Variants in PDE11A observed in about 807,000 individuals in gnomAD.
The protein encoded by PDE11A is dual 3',5'-cyclic-AMP and -GMP phosphodiesterase 11A.
PDE11A carries 100 observed loss-of-function variants against 100.5 expected under a neutral mutation model. The observed-to-expected ratio is 1.00, with a 90% confidence interval of 0.85 to 1.18. The LOEUF is 1.18. Ranked by LOEUF, PDE11A falls within the 50% of genes most tolerant of loss-of-function variation. The probability of loss-of-function intolerance (pLI) is 0.00; values close to 1 mark genes in which losing one functional copy is unlikely to be tolerated. For synonymous variants in PDE11A, 381 were observed against 420.8 expected, an observed-to-expected ratio of 0.91 and a Z score of 1.16; for missense variants, 1,141 against 1,152.6, an observed-to-expected ratio of 0.99 and a Z score of 0.15.
At chr2:177,748,680 C>G (rs2081986831) in intron 10 of PDE11A, among the ~76,000 whole-genome samples, 1 of 151,882 alleles carries the variant, frequency 6.6e-6, no homozygotes, top group African/African-American at 2.4e-5. Context: ...TAAATGATTA[C>G]AATAACATTT....
At chr2:177,786,758 C>T (rs2082543596) in intron 9 of PDE11A, among the ~76,000 whole-genome samples, 2 of 151,978 alleles carry the variant, frequency 1.3e-5, no homozygotes, top group East Asian at 1.9e-4. Flanking sequence ...CCTCAGGAGC[C>T]GATGCGATCA....
At chr2:177,759,279 T>G (rs986993790) in intron 10 of PDE11A, among the ~76,000 whole-genome samples, 3 of 152,158 alleles carry the variant, frequency 2.0e-5, no homozygotes, top group Non-Finnish European at 4.4e-5. Flanking sequence ...AAATTTACCT[T>G]GAGAGTTTTA....
At chr2:177,820,815 A>G (rs1044916036) in intron 6 of PDE11A, among the ~76,000 whole-genome samples, 63 of 150,918 alleles carry the variant, frequency 4.2e-4, no homozygotes, top group African/African-American at 1.5e-3. Context: ...AAAAGGTAAG[A>G]TAGAGGTAGA....
At chr2:178,068,700 G>GCACAAAA (rs879392797) in intron 1 of PDE11A, among the ~76,000 whole-genome samples, 2,247 of 152,236 alleles carry the variant, frequency 0.015, 45 homozygotes, top group East Asian at 0.091. Flanking sequence ...ACATGTATTT[G>GCACAAAA]GAAGGTTGTC....
At chr2:177,728,737 T>C (rs1251875788) in intron 10 of PDE11A, among the ~76,000 whole-genome samples, 2 of 152,150 alleles carry the variant, frequency 1.3e-5, no homozygotes, top group Non-Finnish European at 2.9e-5. Flanking sequence ...AATAGAGATA[T>C]CTGAAGGTTT....
intron 2 of PDE11A, among the ~76,000 whole-genome samples, chr2:177,958,796 C>A (rs1477156558): frequency 6.6e-6 from 1 of 152,068 alleles, no homozygotes; most frequent in African/African-American, 2.4e-5. Flanking sequence ...ATAGTAACAG[C>A]AAACTGAAAG....
chr2:177,911,200 A>C (rs774777782), intron 2 of PDE11A, among the ~76,000 whole-genome samples: 1 of 152,234 alleles, frequency 6.6e-6, no homozygotes, highest in African/African-American at 2.4e-5. Flanking sequence ...AATGCTGAAT[A>C]AACTCTTCAA....
intron 10 of PDE11A, among the ~76,000 whole-genome samples, chr2:177,735,102 G>A (rs1479498165): frequency 1.3e-5 from 2 of 152,214 alleles, no homozygotes; most frequent in East Asian, 3.8e-4. Flanking sequence ...AAGCAAACGG[G>A]CAATTACAGA....
chr2:177,749,573 G>A (rs756392344), intron 10 of PDE11A, among the ~76,000 whole-genome samples: 23 of 151,976 alleles, frequency 1.5e-4, no homozygotes, highest in South Asian at 1.0e-3. Flanking sequence ...GGCTACTGTC[G>A]GTGGGCCATA....
At chr2:177,846,433 T>C (rs2083603618) in intron 5 of PDE11A, among the ~76,000 whole-genome samples, 2 of 152,182 alleles carry the variant, frequency 1.3e-5, no homozygotes. Flanking sequence ...GTGTTGTGAG[T>C]TTAATCACAA....
intron 9 of PDE11A, among the ~76,000 whole-genome samples, chr2:177,782,193 T>G (rs890640301): frequency 2.6e-5 from 4 of 152,214 alleles, no homozygotes; most frequent in African/African-American, 9.6e-5. Flanking sequence ...TCTTGTATTA[T>G]ATAAATCTTG....
intron 10 of PDE11A, among the ~76,000 whole-genome samples, chr2:177,739,418 T>C (rs4893839): frequency 0.72 from 108,795 of 152,038 alleles, 40,291 homozygotes; most frequent in East Asian, 0.86. Flanking sequence ...TGTTACTAAC[T>C]GGATCCCATG....
At chr2:177,925,098 A>G (rs1404901885) in intron 2 of PDE11A, among the ~76,000 whole-genome samples, 1 of 150,414 alleles carries the variant, frequency 6.6e-6, no homozygotes, top group Non-Finnish European at 1.5e-5. Context: ...CATGGTGCAT[A>G]TGTGCCACAT....
intron 4 of PDE11A, among the ~76,000 whole-genome samples, chr2:177,894,450 T>C (rs2084578192): frequency 6.6e-6 from 1 of 152,110 alleles, no homozygotes. Flanking sequence ...TCATTCTCAC[T>C]ATAAACTAAA....
upstream of PDE11A, among the ~76,000 whole-genome samples, chr2:178,075,076 C>A (rs2087189887): frequency 6.6e-6 from 1 of 151,950 alleles, no homozygotes; most frequent in Non-Finnish European, 1.5e-5. Context: ...TACAAAGGAA[C>A]AAATTACAAA....
chr2:177,655,546 T>C (rs927285624), intron 19 of PDE11A, among the ~76,000 whole-genome samples: 4 of 150,986 alleles, frequency 2.6e-5, no homozygotes, highest in Admixed American at 6.6e-5. Flanking sequence ...CCTTTCTTTC[T>C]TTTTTTTAAA....
intron 15 of PDE11A, among the ~76,000 whole-genome samples, chr2:177,683,871 GT>G (rs1282215273): frequency 6.6e-6 from 1 of 152,148 alleles, no homozygotes; most frequent in Non-Finnish European, 1.5e-5. Context: ...CTTATTAGCT[GT>G]GTGATCTTGG....
At chr2:177,967,650 A>T (rs1574313735) in intron 2 of PDE11A, among the ~76,000 whole-genome samples, 1 of 151,564 alleles carries the variant, frequency 6.6e-6, no homozygotes, top group Non-Finnish European at 1.5e-5. Flanking sequence ...TACTGAATAA[A>T]CCTCAGCCTC....
At chr2:178,075,199 G>A (rs751231355), upstream of PDE11A, among the ~76,000 whole-genome samples, 7 of 152,086 alleles carry the variant, frequency 4.6e-5, no homozygotes, top group Non-Finnish European at 1.0e-4. Context: ...ACTAGGACTT[G>A]GAAGGAAAGA....
Sources: gnomAD v4.1 joint callset for allele counts (sites outside exome capture counted in the v4.1 genomes callset) on GRCh38, gnomAD v4.1.1 for gene constraint, MANE v1.5 for transcripts, NCBI Gene and HGNC (gene_info 2026-07-23, HGNC 2026-07-21) for gene names.